The following MRPS25 variants were observed in gnomAD, a reference collection of about 807,000 sequenced individuals.
MRPS25 encodes mitochondrial ribosomal protein S25.
Under a neutral mutation model 17.3 loss-of-function variants are expected in MRPS25, and 15 were observed. The observed-to-expected ratio is 0.87, with a 90% CI of 0.58 to 1.34. The LOEUF is 1.34. MRPS25 is among the 40% of genes most tolerant of loss of function. The pLI is 0.00. For missense variants in MRPS25, 225 were observed against 218.6 expected, an observed-to-expected ratio of 1.03 and a Z score of -0.19; for synonymous variants, 94 against 83.3, an observed-to-expected ratio of 1.13 and a Z score of -0.70.
At position 15,051,362 on chromosome 3, in the gene MRPS25, T is replaced by C; in HGVS notation, c.*1079A>G. On this transcript the variant is annotated 3_prime_UTR_variant, in exon 4 of 4. Transcript: ENST00000253686. ...CCACACCCATCTAATTTTTGTACTT[T>C]TTGTAGAGACAAGGTCTTGCCATGT... The C allele has an allele frequency of 3.5e-6, 2 of 575,076 alleles. No homozygotes were observed. 35.6% of individuals were successfully genotyped at this position (575,076 alleles called of 1,614,324 possible). A position where few individuals can be genotyped will look rare whatever the true frequency, so the allele number is the denominator to read the frequency against.
chr3:15,043,044 C>T (rs529324649), downstream of MRPS25: 37 of 1,572,928 alleles, frequency 2.4e-5, 1 homozygote, highest in South Asian at 2.2e-4. Context: ...CAACAGAATC[C>T]TTCCAGGACC....
At chr3:15,054,465 C>T (rs962344907) in intron 2 of MRPS25, among the ~76,000 whole-genome samples, 3 of 152,064 alleles carry the variant, frequency 2.0e-5, no homozygotes, top group Non-Finnish European at 2.9e-5. Context: ...CAGCTTGAAC[C>T]CTGGAGGCAG....
At chr3:15,063,268 C>T (rs529542248) in intron 1 of MRPS25, among the ~76,000 whole-genome samples, 10 of 152,276 alleles carry the variant, frequency 6.6e-5, no homozygotes, top group Admixed American at 3.9e-4. Flanking sequence ...CAAATTCACC[C>T]TGAGGCTTGG....
Position 15,050,832 on chromosome 3 carries a change from T to C in MRPS25, c.*1609A>G. 1 of 984,924 alleles carries C rather than the reference T, an allele frequency of 1.0e-6. No individual in the cohort carries two copies. Among genetic ancestry groups the C allele is most frequent in the Non-Finnish European group, 1.2e-6 (1 of 829,828 alleles). 61.0% of individuals were successfully genotyped at this position (984,924 alleles called of 1,614,324 possible). On this transcript the variant is annotated 3_prime_UTR_variant, in exon 4 of 4. Transcript: ENST00000253686. ...TCTGGTACAGAATCAAACTTGAGCA[T>C]CAAATGTAAAAGATCCAAATCTGCT...
intron 3 of MRPS25, among the ~76,000 whole-genome samples, 169 bp from the exon 4 acceptor site, chr3:15,052,802 A>T (rs2042622067): frequency 6.6e-6 from 1 of 152,088 alleles, no homozygotes; most frequent in African/African-American, 2.4e-5. Flanking sequence ...CTGGCCCCTG[A>T]GGAGAGCGCT....
chr3:15,050,461 T>A lies in MRPS25; in HGVS notation c.*1980A>T. ...GGGAAGGAATACTCTCATAAGGCTT[T>A]GTGTGTCACTAGCTATGGAGACCTA... On this transcript the variant is annotated 3_prime_UTR_variant, in exon 4 of 4. Coordinates refer to ENST00000253686, the MANE Select transcript of MRPS25 (RefSeq NM_022497.5). 1 of 981,802 alleles carries A rather than the reference T, an allele frequency of 1.0e-6. No individual in the cohort carries two copies. Among genetic ancestry groups the A allele is most frequent in the Non-Finnish European group, 1.2e-6 (1 of 828,802 alleles). 60.8% of individuals were successfully genotyped at this position (981,802 alleles called of 1,614,324 possible).
At position 15,049,907 on chromosome 3, in the gene MRPS25, C is replaced by G. The variant is rs1169154477; in HGVS notation, c.*2534G>C. The G allele has an allele frequency of 6.5e-7, 1 of 1,532,450 alleles. No homozygotes were observed. Among genetic ancestry groups the G allele is most frequent in the Non-Finnish European group, 8.7e-7 (1 of 1,145,092 alleles). The allele number at this position is 1,532,450 out of a possible 1,614,324, so 94.9% of individuals were successfully genotyped here. Reference sequence around the variant, plus strand: ...GTAACTGGGACCACAGCAGATGATACAGGTTTAGATGGTGCTGCCAGGTAG... The same window carrying G: ...GTAACTGGGACCACAGCAGATGATAGAGGTTTAGATGGTGCTGCCAGGTAG... On this transcript the variant is annotated 3_prime_UTR_variant, in exon 4 of 4. Transcript: ENST00000253686.
At chr3:15,059,616 G>A (rs2042722155) in intron 1 of MRPS25, 141 bp from the exon 2 acceptor site, 4 of 649,844 alleles carry the variant, frequency 6.2e-6, no homozygotes, top group Non-Finnish European at 1.1e-5. Flanking sequence ...AACTCGCAGG[G>A]ATCCTCTTAG....
chr3:15,051,931 A>G lies in MRPS25; in HGVS notation c.*510T>C, dbSNP rs1575066151. The G allele has an allele frequency of 1.0e-6, 1 of 985,840 alleles. No homozygotes were observed. The allele number at this position is 985,840 out of a possible 1,614,324, so 61.1% of individuals were successfully genotyped here. A position where few individuals can be genotyped will look rare whatever the true frequency, so the allele number is the denominator to read the frequency against. On this transcript the variant is annotated 3_prime_UTR_variant, in exon 4 of 4. Coordinates refer to ENST00000253686, the MANE Select transcript of MRPS25 (RefSeq NM_022497.5). Reference sequence around the variant, plus strand: ...CTGTACTTAAAAAAGTGAGCACTGCACGAAGGGTTGCCTTTGGATTTCTGA... The same window carrying G: ...CTGTACTTAAAAAAGTGAGCACTGCGCGAAGGGTTGCCTTTGGATTTCTGA...
chr3:15,064,276 A>G (rs955053946), intron 1 of MRPS25, among the ~76,000 whole-genome samples: 5 of 152,158 alleles, frequency 3.3e-5, no homozygotes, highest in Non-Finnish European at 7.3e-5. Flanking sequence ...AGCCTAAGGC[A>G]CTGCTTAGGG....
At chr3:15,053,340 TGAG>T (rs1476710511) in intron 3 of MRPS25, 37 bp downstream of exon 3, 1 of 1,614,042 alleles carries the variant, frequency 6.2e-7, no homozygotes, top group Non-Finnish European at 8.5e-7. Context: ...TTCTCTGGGC[TGAG>T]AAGTTTGTTC....
intron 1 of MRPS25, among the ~76,000 whole-genome samples, chr3:15,061,365 G>A (rs1057404120): frequency 9.8e-5 from 15 of 152,312 alleles, no homozygotes; most frequent in African/African-American, 2.9e-4. Context: ...GCAGGCGCGC[G>A]CTGCCACGCC....
At chr3:15,054,573 A>C (rs2042646760) in intron 2 of MRPS25, among the ~76,000 whole-genome samples, 1 of 152,320 alleles carries the variant, frequency 6.6e-6, no homozygotes, top group Admixed American at 6.5e-5. Context: ...AATGGATTTG[A>C]GACCTAAATG....
chr3:15,044,158 T>C (rs887868273), downstream of MRPS25: 1 of 152,266 alleles, frequency 6.6e-6, no homozygotes, highest in Non-Finnish European at 1.5e-5. Context: ...TGCTGCCGCC[T>C]GGCGAGAGTG....
At chr3:15,058,318 T>A (rs1020669381) in intron 2 of MRPS25, among the ~76,000 whole-genome samples, 1 of 152,032 alleles carries the variant, frequency 6.6e-6, no homozygotes, top group African/African-American at 2.4e-5. Flanking sequence ...GCCTCCCGAG[T>A]AGCTGGGACT....
At chr3:15,061,104 A>G (rs1470532196) in intron 1 of MRPS25, among the ~76,000 whole-genome samples, 1 of 152,044 alleles carries the variant, frequency 6.6e-6, no homozygotes, top group Admixed American at 6.5e-5. Context: ...AGACGTTCCC[A>G]TACTTTAAAC....
At chr3:15,059,323 G>A in intron 2 of MRPS25, 46 bp downstream of exon 2, 2 of 1,307,976 alleles carry the variant, frequency 1.5e-6, no homozygotes, top group South Asian at 1.2e-5. Flanking sequence ...AGTCTCTCCA[G>A]GCATGTCTGG....
chr3:15,059,331 TG>T (rs762001178), intron 2 of MRPS25, 37 bp downstream of exon 2: 2 of 1,396,722 alleles, frequency 1.4e-6, no homozygotes, highest in Non-Finnish European at 1.0e-6. Flanking sequence ...CAGGCATGTC[TG>T]GGACAGCCCC....
chr3:15,051,222 G>T lies in MRPS25; in HGVS notation c.*1219C>A. ...TTTTCTTGAGACAGTCTTGCTCTGT[G>T]GCCCAGGCTGGAGTGCAGTAGCGCA... is the stretch of plus-strand genomic sequence containing the variant. On this transcript the variant is annotated 3_prime_UTR_variant, in exon 4 of 4. Transcript: ENST00000253686. 1 of 971,074 alleles carries T rather than the reference G, an allele frequency of 1.0e-6. No individual in the cohort carries two copies. The highest frequency in any genetic ancestry group is 1.2e-6 in the Non-Finnish European group (1 of 816,942). 60.2% of individuals were successfully genotyped at this position (971,074 alleles called of 1,614,324 possible). A position where few individuals can be genotyped will look rare whatever the true frequency, so the allele number is the denominator to read the frequency against.
Sources: gnomAD v4.1 joint callset for allele counts (sites outside exome capture counted in the v4.1 genomes callset) on GRCh38, gnomAD v4.1.1 for gene constraint, MANE v1.5 for transcripts, NCBI Gene and HGNC (gene_info 2026-07-23, HGNC 2026-07-21) for gene names.